Variants in PTPRT observed in about 807,000 individuals in gnomAD.
PTPRT encodes protein tyrosine phosphatase receptor type T, also known as receptor-type tyrosine-protein phosphatase T.
In PTPRT, 56 loss-of-function variants were observed where a neutral mutation model predicts 176.8. The observed-to-expected ratio is 0.32, with a 90% CI of 0.26 to 0.40. PTPRT has a LOEUF of 0.40. Ranked by LOEUF, PTPRT falls within the 10% of genes least tolerant of loss-of-function variation. PTPRT has a pLI of 1.00. For synonymous variants in PTPRT, 783 were observed against 739.0 expected, an observed-to-expected ratio of 1.06 and a Z score of -0.96; for missense variants, 1,540 against 1,908.2, an observed-to-expected ratio of 0.81 and a Z score of 3.60.
chr20:42,777,842 T>G (rs2077159204), intron 4 of PTPRT, among the ~76,000 whole-genome samples: 1 of 152,212 alleles, frequency 6.6e-6, no homozygotes, highest in Non-Finnish European at 1.5e-5. Flanking sequence ...ACATTGCCAG[T>G]ATTTGTCCAT....
chr20:42,613,593 T>C (rs911584669), intron 7 of PTPRT, among the ~76,000 whole-genome samples: 2 of 152,200 alleles, frequency 1.3e-5, no homozygotes, highest in African/African-American at 2.4e-5. Flanking sequence ...CAGATCTAAT[T>C]TGAGGAGTAG....
chr20:42,683,431 C>T (rs747124907), intron 6 of PTPRT, among the ~76,000 whole-genome samples: 11 of 152,126 alleles, frequency 7.2e-5, no homozygotes, highest in Middle Eastern at 3.2e-3. Context: ...GCACCTGTCA[C>T]CACGTCCAGC....
chr20:42,454,782 T>C (rs1470245389), intron 8 of PTPRT, among the ~76,000 whole-genome samples: 1 of 152,208 alleles, frequency 6.6e-6, no homozygotes. Context: ...TTAGTTTTTG[T>C]ATGGGAGAAA....
intron 13 of PTPRT, among the ~76,000 whole-genome samples, chr20:42,260,464 A>G (rs1483882315): frequency 6.6e-6 from 1 of 152,226 alleles, no homozygotes; most frequent in African/African-American, 2.4e-5. Flanking sequence ...GAACAGATGT[A>G]AGAAGAAGAA....
chr20:42,449,559 C>T lies in PTPRT; in HGVS notation c.1451-1230G>A, dbSNP rs1415449459. Among the ~76,000 whole-genome samples, 5 of 152,166 alleles carry T rather than the reference C, an allele frequency of 3.3e-5. No individual in the cohort carries two copies. In the East Asian group the frequency reaches 9.6e-4, roughly 29 times the overall value. On this transcript the variant is annotated intron_variant, in intron 8 of 30. Transcript: ENST00000373187. Reference sequence around the variant, plus strand: ...ATTATTTCACTTAAGCCATAAAACACCTCTGCCCAGTAGGTATTATCTCCT... The same window carrying T: ...ATTATTTCACTTAAGCCATAAAACATCTCTGCCCAGTAGGTATTATCTCCT...
chr20:42,452,354 AGAGCAAG>A (rs1297922060), intron 8 of PTPRT, among the ~76,000 whole-genome samples: 1 of 152,028 alleles, frequency 6.6e-6, no homozygotes, highest in Non-Finnish European at 1.5e-5. Context: ...CCTGAAAGCA[AGAGCAAG>A]GGTGGGTTGA....
chr20:42,845,452 T>A (rs2078353190), intron 2 of PTPRT, among the ~76,000 whole-genome samples: 1 of 152,200 alleles, frequency 6.6e-6, no homozygotes, highest in South Asian at 2.1e-4. Context: ...CGTGCATGTG[T>A]TTCTGTGTGT....
the PTPRT span, among the ~76,000 whole-genome samples, chr20:42,066,273 C>G: frequency 1.3e-5 from 2 of 152,012 alleles, 1 homozygote; most frequent in Admixed American, 1.3e-4. Flanking sequence ...AACTCCTGAC[C>G]TCAGGTGATC....
At chr20:42,603,095 G>A (rs1318027246) in intron 7 of PTPRT, among the ~76,000 whole-genome samples, 1 of 152,176 alleles carries the variant, frequency 6.6e-6, no homozygotes, top group Non-Finnish European at 1.5e-5. Context: ...GGGGTCCTGG[G>A]AAGGTTCCTG....
At chr20:42,559,264 C>A (rs755181380) in intron 7 of PTPRT, among the ~76,000 whole-genome samples, 4 of 152,110 alleles carry the variant, frequency 2.6e-5, no homozygotes, top group Non-Finnish European at 2.9e-5. Context: ...ACCTGAAAAT[C>A]TGCAAACCAC....
Position 42,503,886 on chromosome 20 carries a change from G to T in PTPRT, c.1154-31324C>A, listed in dbSNP as rs557473787. Among the ~76,000 whole-genome samples, 5 of 152,166 alleles carry T rather than the reference G, an allele frequency of 3.3e-5. No individual in the cohort carries two copies. In the South Asian group the frequency reaches 1.0e-3, roughly 32 times the overall value. ...ACTTACTGATTCTACCGTTTGGAAT[G>T]ATTTTCTCAAATCTATAACCTGATT... is the stretch of plus-strand genomic sequence containing the variant. On this transcript the variant is annotated intron_variant, in intron 7 of 30. Coordinates refer to ENST00000373187, the MANE Select transcript of PTPRT (RefSeq NM_007050.6).
chr20:43,062,031 A>C (rs1202155593), intron 1 of PTPRT, among the ~76,000 whole-genome samples: 3 of 152,244 alleles, frequency 2.0e-5, no homozygotes, highest in Non-Finnish European at 2.9e-5. Flanking sequence ...CCATTTCTAG[A>C]AAAGATCAAT....
chr20:42,704,752 C>T lies in PTPRT; in HGVS notation c.860-26593G>A, dbSNP rs774285958. ...ACACCGAACTGTAATTATGCATAAC[C>T]CCAGACTGCAAAGCTCTCTGAAGGA... On this transcript the variant is annotated intron_variant, in intron 6 of 30. Coordinates refer to ENST00000373187, the MANE Select transcript of PTPRT (RefSeq NM_007050.6). 1.1e-4 allele frequency among the ~76,000 whole-genome samples: 17 copies of T among 152,106 alleles called. 1 individual carries two copies. The highest frequency in any genetic ancestry group is 3.2e-3 in the Middle Eastern group (1 of 316).
chr20:43,095,499 T>C (rs79594230), intron 1 of PTPRT, among the ~76,000 whole-genome samples: 5,228 of 152,088 alleles, frequency 0.034, 318 homozygotes, highest in African/African-American at 0.12. Context: ...CCCATGTGGC[T>C]GGACATGTCT....
intron 11 of PTPRT, among the ~76,000 whole-genome samples, chr20:42,345,930 T>C (rs1367936754): frequency 1.3e-5 from 2 of 152,154 alleles, no homozygotes; most frequent in Non-Finnish European, 2.9e-5. Context: ...CTGTACTTAA[T>C]GCAATGGAAA....
intron 1 of PTPRT, among the ~76,000 whole-genome samples, chr20:42,934,787 A>G (rs974390685): frequency 1.3e-5 from 2 of 152,146 alleles, no homozygotes; most frequent in African/African-American, 2.4e-5. Flanking sequence ...TGAAAGCCAT[A>G]GCCAAGCATG....
At chr20:42,528,625 A>T (rs2072321371) in intron 7 of PTPRT, among the ~76,000 whole-genome samples, 1 of 152,108 alleles carries the variant, frequency 6.6e-6, no homozygotes, top group Non-Finnish European at 1.5e-5. Context: ...GTTACATACA[A>T]TTCCAAGTGT....
At chr20:42,498,848 C>G (rs1018834195) in intron 7 of PTPRT, among the ~76,000 whole-genome samples, 2 of 152,118 alleles carry the variant, frequency 1.3e-5, no homozygotes, top group Non-Finnish European at 2.9e-5. Flanking sequence ...ACACTCTACC[C>G]GGCTTTGAGA....
intron 6 of PTPRT, among the ~76,000 whole-genome samples, chr20:42,719,738 G>A (rs551331979): frequency 6.6e-6 from 1 of 152,304 alleles, no homozygotes; most frequent in South Asian, 2.1e-4. Flanking sequence ...TTCTCAGGAT[G>A]AGAGAGATAG....
Sources: allele counts gnomAD v4.1 joint callset (sites outside exome capture counted in the v4.1 genomes callset), GRCh38; gene constraint gnomAD v4.1.1; transcripts MANE v1.5; gene names NCBI Gene and HGNC (gene_info 2026-07-23, HGNC 2026-07-21).